CRMP1: variants seen among roughly 807,000 people sequenced by gnomAD.
CRMP1 encodes the protein dihydropyrimidinase-related protein 1.
CRMP1 carries 19 observed loss-of-function variants against 68.3 expected under a neutral mutation model. The observed-to-expected ratio is 0.28, with a 90% CI of 0.19 to 0.41. The LOEUF (loss-of-function observed/expected upper bound fraction) is 0.41. CRMP1 is among the 10% of genes least tolerant of loss of function. The probability of loss-of-function intolerance (pLI) is 1.00; values close to 1 mark genes in which losing one functional copy is unlikely to be tolerated. For missense variants in CRMP1, 791 were observed against 967.4 expected (o/e 0.82, Z 2.42); for synonymous variants, 439 against 399.6 (o/e 1.10, Z -1.18).
At chr4:5,832,677 C>T (rs1336264707) in intron 11 of CRMP1, among the ~76,000 whole-genome samples, 1 of 152,176 alleles carries the variant, frequency 6.6e-6, no homozygotes, top group African/African-American at 2.4e-5. Context: ...GAATCCTCAA[C>T]TGTCCTCTTG....
chr4:5,879,677 CA>C lies in CRMP1; in HGVS notation c.381+12911del, dbSNP rs1262352766. Among the ~76,000 whole-genome samples, 4 of 152,208 alleles carry C rather than the reference CA, an allele frequency of 2.6e-5. No individual in the cohort carries two copies. The highest frequency in any genetic ancestry group is 4.4e-5 in the Non-Finnish European group (3 of 68,038). On this transcript the variant is annotated intron_variant, in intron 1 of 13. Transcript: ENST00000324989. This position sits in a 1 kb window ranked among gnomAD's most constrained non-coding sequence, Gnocchi z 4.2. ...TAACATTCTATGCCAAATGCTCTAA[CA>C]TTCTATGCCAAATGTTCATGCATTT... is the stretch of plus-strand genomic sequence containing the variant.
rs1389082511 is a variant in CRMP1 at position 5,821,761 on chromosome 4, C to T, written c.2060G>A (p.Ter687=). The T allele has an allele frequency of 6.2e-7, 1 of 1,608,354 alleles. No homozygotes were observed. The highest frequency in any genetic ancestry group is 8.5e-7 in the Non-Finnish European group (1 of 1,177,046). Residue 687 remains the stop codon, a stop_retained_variant, in exon 14 of 14, where the codon TGA becomes TAA. Coordinates refer to ENST00000324989, the MANE Select transcript of CRMP1 (RefSeq NM_001014809.3). The surrounding 1 kb of genome is among the most constrained non-coding windows in gnomAD (Gnocchi z 4.4). ...GGRSNITSLG[*] is the part of the protein sequence containing the mutation. ...GCTAGCTCCTCCGCGCATCCACGTTCAACCGAGGCTGGTGATGTTGGAGCG... is the reference window on the plus strand; with the variant it reads ...GCTAGCTCCTCCGCGCATCCACGTTTAACCGAGGCTGGTGATGTTGGAGCG...
chr4:5,874,492 A>G (rs758416996), intron 1 of CRMP1, among the ~76,000 whole-genome samples: 82 of 152,126 alleles, frequency 5.4e-4, no homozygotes, highest in Non-Finnish European at 9.8e-4. Context: ...TCATGTGCCC[A>G]TCTCTCATTG....
chr4:5,869,300 T>C (rs1183000772), intron 1 of CRMP1, among the ~76,000 whole-genome samples: 3 of 152,138 alleles, frequency 2.0e-5, no homozygotes, highest in Non-Finnish European at 1.5e-5. Context: ...TGTGCTTATT[T>C]TACCATTTGT....
chr4:5,838,605 A>C lies in CRMP1; in HGVS notation c.1310+917T>G, dbSNP rs974384848. On this transcript the variant is annotated intron_variant, in intron 9 of 13. Coordinates refer to ENST00000324989, the MANE Select transcript of CRMP1 (RefSeq NM_001014809.3). The surrounding 1 kb of genome is among the most constrained non-coding windows in gnomAD (Gnocchi z 4.9). ...TTTCTTAGATGGGCAAGACTGTGGG[A>C]CTAGCAGCTTTATGGGGGAAGATCT... is the stretch of plus-strand genomic sequence containing the variant. 6.6e-6 allele frequency among the ~76,000 whole-genome samples: 1 copy of C among 152,084 alleles called. No individual in the cohort carries two copies. The highest frequency in any genetic ancestry group is 1.5e-5 in the Non-Finnish European group (1 of 68,016).
intron 1 of CRMP1, among the ~76,000 whole-genome samples, chr4:5,882,789 A>G (rs1281993105): frequency 1.3e-5 from 2 of 152,228 alleles, no homozygotes; most frequent in African/African-American, 4.8e-5. Context: ...TTAACCAAAG[A>G]AGAAGATCAG....
chr4:5,871,527 G>GC (rs1218493117), intron 1 of CRMP1, among the ~76,000 whole-genome samples: 1 of 152,110 alleles, frequency 6.6e-6, no homozygotes, highest in Non-Finnish European at 1.5e-5. Context: ...GGGCGTGGTG[G>GC]CGCACGCCTG....
At chr4:5,862,467 G>T (rs944238030) in intron 2 of CRMP1, among the ~76,000 whole-genome samples, 1 of 152,172 alleles carries the variant, frequency 6.6e-6, no homozygotes, top group East Asian at 1.9e-4. Context: ...AAACGTGTGG[G>T]CTTGCCAAGA....
At position 5,838,817 on chromosome 4, in the gene CRMP1, G is replaced by T. The variant is rs184072582; in HGVS notation, c.1310+705C>A. Among the ~76,000 whole-genome samples the T allele has an allele frequency of 3.9e-5, 6 of 151,992 alleles. No individual in the cohort carries two copies. Among genetic ancestry groups the T allele is most frequent in the Admixed American group, 3.9e-4 (6 of 15,260 alleles). ...AGCCCCATCTTATCCTCCCCTATTG[G>T]GCAAACTCCTACTCATCCCCAAGCT... On this transcript the variant is annotated intron_variant, in intron 9 of 13. Coordinates refer to ENST00000324989, the MANE Select transcript of CRMP1 (RefSeq NM_001014809.3). The surrounding 1 kb of genome is among the most constrained non-coding windows in gnomAD (Gnocchi z 4.9).
chr4:5,866,798 C>T lies in CRMP1; in HGVS notation c.382-42G>A. 1 of 1,439,632 alleles carries T rather than the reference C, an allele frequency of 6.9e-7. No individual in the cohort carries two copies. The highest frequency in any genetic ancestry group is 1.3e-5 in the South Asian group (1 of 76,522). 89.2% of individuals were successfully genotyped at this position (1,439,632 alleles called of 1,614,324 possible). On this transcript the variant is annotated intron_variant, in intron 1 of 13. Coordinates refer to ENST00000324989, the MANE Select transcript of CRMP1 (RefSeq NM_001014809.3). This position sits in a 1 kb window ranked among gnomAD's most constrained non-coding sequence, Gnocchi z 5.9. ...AGTATTAAGGATCCTTGGTGAAAAG[C>T]CAGGATAAAGTTTTTTCTTTTTAAT... is the stretch of plus-strand genomic sequence containing the variant.
Position 5,866,631 on chromosome 4 carries a change from C to A in CRMP1, c.470+37G>T. 2.0e-6 allele frequency: 3 copies of A among 1,526,230 alleles called. No individual in the cohort carries two copies. Among genetic ancestry groups the A allele is most frequent in the Non-Finnish European group, 2.7e-6 (3 of 1,105,382 alleles). The allele number at this position is 1,526,230 out of a possible 1,614,324, so 94.5% of individuals were successfully genotyped here. On this transcript the variant is annotated intron_variant, in intron 2 of 13. Coordinates refer to ENST00000324989, the MANE Select transcript of CRMP1 (RefSeq NM_001014809.3). This position sits in a 1 kb window ranked among gnomAD's most constrained non-coding sequence, Gnocchi z 5.9. ...CATCTAAGGCCAGGCAGCCTGGCGA[C>A]ACAGGTTTCTTAAAAGGTCCGTTTT... is the stretch of plus-strand genomic sequence containing the variant.
At chr4:5,851,751 GAGA>G (rs1192754719) in intron 4 of CRMP1, among the ~76,000 whole-genome samples, 2 of 150,484 alleles carry the variant, frequency 1.3e-5, no homozygotes, top group Non-Finnish European at 3.0e-5. Flanking sequence ...GGAGGAAGAG[GAGA>G]AGGAGGAGGA....
In CRMP1 at chr4:5,889,495, C is replaced by T. The variant is rs1715841146; in HGVS notation, c.381+3094G>A. Reference sequence around the variant, plus strand: ...GAGGGAGGTGGGCAGGAAGCCAGGTCACAGCTTGACAAGGTCCGTAACAGC... The same window carrying T: ...GAGGGAGGTGGGCAGGAAGCCAGGTTACAGCTTGACAAGGTCCGTAACAGC... On this transcript the variant is annotated intron_variant, in intron 1 of 13. Coordinates refer to ENST00000324989, the MANE Select transcript of CRMP1 (RefSeq NM_001014809.3). The surrounding 1 kb of genome is among the most constrained non-coding windows in gnomAD (Gnocchi z 4.5). The T allele has an allele frequency of 6.9e-7, 1 of 1,443,628 alleles. No homozygotes were observed. The highest frequency in any genetic ancestry group is 2.0e-5 in the Admixed American group (1 of 50,262). 89.4% of individuals were successfully genotyped at this position (1,443,628 alleles called of 1,614,324 possible).
At chr4:5,864,761 C>T (rs561400534) in intron 2 of CRMP1, among the ~76,000 whole-genome samples, 2 of 152,216 alleles carry the variant, frequency 1.3e-5, no homozygotes, top group East Asian at 3.9e-4. Context: ...GAGGGGAAGG[C>T]AGAGGGACAG....
chr4:5,860,011 A>T lies in CRMP1; in HGVS notation c.655+1015T>A, dbSNP rs1347882964. ...CAAGCAAAAGCGGCTCTTCAAAATCAACACAAGAAACAGCCATCGGGCTGC... is the reference window on the plus strand; with the variant it reads ...CAAGCAAAAGCGGCTCTTCAAAATCTACACAAGAAACAGCCATCGGGCTGC... On this transcript the variant is annotated intron_variant, in intron 3 of 13. Transcript: ENST00000324989. The surrounding 1 kb of genome is among the most constrained non-coding windows in gnomAD (Gnocchi z 4.2). 6.6e-6 allele frequency among the ~76,000 whole-genome samples: 1 copy of T among 152,066 alleles called. No individual in the cohort carries two copies. Among genetic ancestry groups the T allele is most frequent in the Non-Finnish European group, 1.5e-5 (1 of 68,018 alleles).
In CRMP1 at chr4:5,825,636, G is replaced by A. The variant is rs1719434451; in HGVS notation, c.1827C>T (p.Ser609=). The change falls in exon 13 of 14, where the codon TCC becomes TCT. Residue 609 remains serine (S), a synonymous_variant. Transcript: ENST00000324989. The surrounding 1 kb of genome is among the most constrained non-coding windows in gnomAD (Gnocchi z 4.4). ...RNKVFGLQGV[S]RGMYDGPVYE... ...ACACAGGACCGTCATACATGCCCCT[G>A]GAAACCCCTTGCAATCCAAAAACCT... 4 of 1,611,460 alleles carry A rather than the reference G, an allele frequency of 2.5e-6. No individual in the cohort carries two copies. The highest frequency in any genetic ancestry group is 2.7e-5 in the African/African-American group (2 of 74,858).
intron 13 of CRMP1, among the ~76,000 whole-genome samples, chr4:5,822,717 G>T (rs1389534132): frequency 1.3e-5 from 2 of 152,186 alleles, no homozygotes; most frequent in African/African-American, 2.4e-5. Flanking sequence ...TGAGCCGGCG[G>T]AACTGAGGAA....
chr4:5,867,482 AC>A (rs1319687446), intron 1 of CRMP1, among the ~76,000 whole-genome samples: 1 of 151,900 alleles, frequency 6.6e-6, no homozygotes, highest in Non-Finnish European at 1.5e-5. Context: ...AAAAAAGAAA[AC>A]CCCATTTTTC....
rs1018997374 is a variant in CRMP1 at position 5,888,503 on chromosome 4, G to C, written c.381+4086C>G. 74 of 1,198,524 alleles carry C rather than the reference G, an allele frequency of 6.2e-5. No individual in the cohort carries two copies. The highest frequency in any genetic ancestry group is 7.2e-5 in the Non-Finnish European group (70 of 966,918). 74.2% of individuals were successfully genotyped at this position (1,198,524 alleles called of 1,614,324 possible). On this transcript the variant is annotated intron_variant, in intron 1 of 13. Coordinates refer to ENST00000324989, the MANE Select transcript of CRMP1 (RefSeq NM_001014809.3). The surrounding 1 kb of genome is among the most constrained non-coding windows in gnomAD (Gnocchi z 6.4). Reference sequence around the variant, plus strand: ...TCGGCGAGGAGGGCGGGAGAAGGAGGAGGGAGAGGCGAGGGCGGGAGGAGG... The same window carrying C: ...TCGGCGAGGAGGGCGGGAGAAGGAGCAGGGAGAGGCGAGGGCGGGAGGAGG...
Sources: allele counts gnomAD v4.1 joint callset (sites outside exome capture counted in the v4.1 genomes callset), GRCh38; gene constraint gnomAD v4.1.1; non-coding constraint Gnocchi (gnomAD v3.1); transcripts MANE v1.5; gene names NCBI Gene and HGNC (gene_info 2026-07-23, HGNC 2026-07-21).